SUZ12: variants seen among roughly 807,000 people sequenced by gnomAD.
SUZ12 encodes SUZ12 polycomb repressive complex 2 subunit.
Under a neutral mutation model 87.3 loss-of-function variants are expected in SUZ12, and 17 were observed. That is an observed-to-expected ratio of 0.19 (90% CI 0.13 to 0.29). The LOEUF is 0.29. Ranked by LOEUF, SUZ12 falls within the 10% of genes least tolerant of loss-of-function variation. The pLI is 1.00. For synonymous variants in SUZ12, 253 were observed against 312.4 expected (o/e 0.81, Z 2.01); for missense variants, 526 against 912.2 (o/e 0.58, Z 5.45).
chr17:31,969,908 T>G (rs1431040830), intron 5 of SUZ12, among the ~76,000 whole-genome samples: 2 of 152,002 alleles, frequency 1.3e-5, no homozygotes, highest in African/African-American at 2.4e-5. Flanking sequence ...AAAATGTGAT[T>G]TTTTCTTCTT....
At chr17:31,952,716 C>G (rs1907062899) in intron 4 of SUZ12, among the ~76,000 whole-genome samples, 1 of 152,032 alleles carries the variant, frequency 6.6e-6, no homozygotes, top group African/African-American at 2.4e-5. Flanking sequence ...GCATCTGCCA[C>G]CACGCCCAGC....
intron 10 of SUZ12, among the ~76,000 whole-genome samples, chr17:31,992,595 A>G (rs1010003771): frequency 1.3e-5 from 2 of 151,862 alleles, no homozygotes; most frequent in African/African-American, 4.8e-5. Flanking sequence ...TATTTTTAGT[A>G]GAGATGGGGT....
At chr17:31,964,972 A>T (rs1284002565) in intron 4 of SUZ12, among the ~76,000 whole-genome samples, 3 of 151,872 alleles carry the variant, frequency 2.0e-5, no homozygotes, top group Non-Finnish European at 2.9e-5. Context: ...AGAAGAGCGA[A>T]ACTTCATCTC....
In SUZ12 at chr17:31,999,737, C is replaced by T. The variant is rs977734905; in HGVS notation, c.*734C>T. 14 of 231,102 alleles carry T rather than the reference C, an allele frequency of 6.1e-5. No homozygotes were observed. The Admixed American group carries it at 6.2e-4, about 10-fold the overall frequency. 14.3% of individuals were successfully genotyped at this position (231,102 alleles called of 1,614,324 possible). On this transcript the variant is annotated 3_prime_UTR_variant, in exon 16 of 16. Transcript: ENST00000322652. ...TGGATAATTTTAGTGCATTGCTCAC[C>T]CGGTATGTTTTTTTTTTTTAACTTG...
At chr17:31,952,072 C>A (rs1175071021) in intron 4 of SUZ12, among the ~76,000 whole-genome samples, 19 of 151,946 alleles carry the variant, frequency 1.3e-4, no homozygotes, top group Non-Finnish European at 2.5e-4. Flanking sequence ...CTGCGCCCAG[C>A]CTTCTTTTTC....
chr17:31,988,124 C>T (rs1338552019), intron 9 of SUZ12, among the ~76,000 whole-genome samples, 196 bp from the exon 10 acceptor site: 2 of 152,146 alleles, frequency 1.3e-5, no homozygotes, highest in Non-Finnish European at 2.9e-5. Context: ...AGCCTGTGCT[C>T]TCCAGTTCAA....
intron 8 of SUZ12, among the ~76,000 whole-genome samples, chr17:31,980,004 A>G (rs1398433058): frequency 2.0e-5 from 3 of 147,066 alleles, no homozygotes; most frequent in Non-Finnish European, 3.0e-5. Flanking sequence ...AAATATATAT[A>G]TATGTATAGA....
intron 1 of SUZ12, 72 bp from the exon 2 acceptor site, chr17:31,940,214 A>G: frequency 6.4e-7 from 1 of 1,562,020 alleles, no homozygotes; most frequent in South Asian, 1.2e-5. Flanking sequence ...ATTGATTATA[A>G]CATGGTCTCG....
chr17:31,992,492 C>G (rs1173488351), intron 10 of SUZ12, among the ~76,000 whole-genome samples: 1 of 152,126 alleles, frequency 6.6e-6, no homozygotes, highest in Non-Finnish European at 1.5e-5. Context: ...TCACTGCAAG[C>G]TCTGCCTCCC....
intron 4 of SUZ12, among the ~76,000 whole-genome samples, chr17:31,953,360 C>G (rs576734612): frequency 6.6e-6 from 1 of 152,256 alleles, no homozygotes; most frequent in African/African-American, 2.4e-5. Context: ...GTCCATCCGC[C>G]TCGACCTCCC....
chr17:31,981,200 A>G (rs1909081932), intron 8 of SUZ12, among the ~76,000 whole-genome samples: 1 of 152,240 alleles, frequency 6.6e-6, no homozygotes, highest in African/African-American at 2.4e-5. Context: ...ATTATTTTCA[A>G]CTTGTCTTTC....
chr17:31,956,112 AC>A lies in SUZ12; in HGVS notation c.455+8429del, dbSNP rs1279875998. On this transcript the variant is annotated intron_variant, in intron 4 of 15. Transcript: ENST00000322652. The stretch of plus-strand genomic sequence containing the variant: ...TATTTTTTAGTAGAGATGGGGTTTC[AC>A]CGTGTTAGCCAGGATGTTCTCAATC... 5.3e-5 allele frequency among the ~76,000 whole-genome samples: 8 copies of A among 151,460 alleles called. No homozygotes were observed. The South Asian group carries it at 1.5e-3, about 28-fold the overall frequency.
At chr17:31,997,583 A>G (rs1910041246) in intron 15 of SUZ12, among the ~76,000 whole-genome samples, 1 of 151,378 alleles carries the variant, frequency 6.6e-6, no homozygotes, top group Non-Finnish European at 1.5e-5. Context: ...TAATCACTTG[A>G]AGAACCCGGG....
intron 7 of SUZ12, 48 bp from the exon 8 acceptor site, chr17:31,976,473 C>G: frequency 6.8e-7 from 1 of 1,467,222 alleles, no homozygotes; most frequent in Non-Finnish European, 9.5e-7. Flanking sequence ...TATCATAACA[C>G]ATTTTTGTTC....
intron 4 of SUZ12, among the ~76,000 whole-genome samples, chr17:31,962,185 C>T (rs942952977): frequency 3.9e-5 from 6 of 152,164 alleles, no homozygotes; most frequent in African/African-American, 9.6e-5. Context: ...CCTATAATCG[C>T]AGCACTTGGG....
At chr17:31,941,177 C>T (rs576885713) in intron 3 of SUZ12, among the ~76,000 whole-genome samples, 3 of 151,272 alleles carry the variant, frequency 2.0e-5, no homozygotes, top group Admixed American at 6.6e-5. Flanking sequence ...TCTCAGCTCA[C>T]TGCAAGCTCC....
At chr17:31,957,406 ATTT>A (rs1907416601) in intron 4 of SUZ12, among the ~76,000 whole-genome samples, 1 of 148,584 alleles carries the variant, frequency 6.7e-6, no homozygotes, top group Non-Finnish European at 1.5e-5. Context: ...TACCCGGATA[ATTT>A]TTGTATTCTT....
intron 4 of SUZ12, 52 bp from the exon 5 acceptor site, chr17:31,966,095 T>G: frequency 6.8e-7 from 1 of 1,469,232 alleles, no homozygotes; most frequent in East Asian, 2.4e-5. Context: ...GTCTAGGTTA[T>G]TTTACTACAG....
intron 4 of SUZ12, among the ~76,000 whole-genome samples, chr17:31,963,488 GTATT>G (rs573972953): frequency 8.7e-6 from 1 of 115,092 alleles, no homozygotes; most frequent in African/African-American, 3.3e-5. Context: ...TGGTTCTTAG[GTATT>G]TTTTTTGTTT....
Sources: allele counts gnomAD v4.1 joint callset (sites outside exome capture counted in the v4.1 genomes callset), GRCh38; gene constraint gnomAD v4.1.1; transcripts MANE v1.5; gene names NCBI Gene and HGNC (gene_info 2026-07-23, HGNC 2026-07-21).